PCDH15: variants seen among roughly 807,000 people sequenced by gnomAD.
PCDH15 encodes protocadherin related 15, also known as protocadherin-15.
PCDH15 carries 129 observed loss-of-function variants against 178.5 expected under a neutral mutation model. The observed-to-expected ratio is 0.72, with a 90% CI of 0.63 to 0.84. The LOEUF is 0.84. PCDH15 is among the 40% of genes least tolerant of loss of function. The pLI is 0.00. For synonymous variants in PCDH15, 800 were observed against 732.0 expected, an observed-to-expected ratio of 1.09 and a Z score of -1.50; for missense variants, 2,230 against 2,099.9, an observed-to-expected ratio of 1.06 and a Z score of -1.21.
chr10:54,726,171 A>G (rs758235509), intron 1 of PCDH15, among the ~76,000 whole-genome samples: 1 of 151,660 alleles, frequency 6.6e-6, no homozygotes, highest in Non-Finnish European at 1.5e-5. Flanking sequence ...CCTTTCTAAA[A>G]ATATATTGAC....
intron 10 of PCDH15, among the ~76,000 whole-genome samples, chr10:54,200,978 G>GTT (rs554044064): frequency 1.3e-5 from 2 of 152,000 alleles, no homozygotes; most frequent in South Asian, 4.1e-4. Context: ...GTAACACTGC[G>GTT]TAAGTATCTA....
intron 3 of PCDH15, among the ~76,000 whole-genome samples, chr10:54,499,518 T>C (rs750899251): frequency 6.6e-6 from 1 of 151,928 alleles, no homozygotes; most frequent in Admixed American, 6.6e-5. Flanking sequence ...ACCAAGAACA[T>C]CTCTTAAAAC....
At chr10:54,263,777 T>C (rs188063156) in intron 8 of PCDH15, among the ~76,000 whole-genome samples, 1 of 152,150 alleles carries the variant, frequency 6.6e-6, no homozygotes, top group African/African-American at 2.4e-5. Context: ...AACTTGATTG[T>C]ATTAAAGGAT....
At chr10:54,923,657 C>G (rs1485691905) in intron 2 of PCDH15, among the ~76,000 whole-genome samples, 2 of 137,964 alleles carry the variant, frequency 1.4e-5, no homozygotes, top group East Asian at 4.0e-4. Flanking sequence ...CAAAGTTCCA[C>G]AAATCCCTAA....
At chr10:55,019,586 TCA>T (rs1840273262) in intron 2 of PCDH15, among the ~76,000 whole-genome samples, 1 of 152,108 alleles carries the variant, frequency 6.6e-6, no homozygotes, top group African/African-American at 2.4e-5. Context: ...GCTAGGAGAA[TCA>T]CACAAAAATT....
At chr10:54,141,283 A>G (rs981532206) in intron 14 of PCDH15, among the ~76,000 whole-genome samples, 2 of 152,132 alleles carry the variant, frequency 1.3e-5, no homozygotes, top group African/African-American at 4.8e-5. Flanking sequence ...GATGAAGGAC[A>G]GCAGCCATTT....
chr10:55,300,942 T>C (rs1843260553), intron 1 of PCDH15, among the ~76,000 whole-genome samples: 1 of 152,210 alleles, frequency 6.6e-6, no homozygotes. Context: ...CAAATATCTC[T>C]CATGGTGCCC....
intron 1 of PCDH15, among the ~76,000 whole-genome samples, chr10:55,181,716 A>G (rs1037958085): frequency 6.6e-6 from 1 of 152,040 alleles, no homozygotes; most frequent in Non-Finnish European, 1.5e-5. Context: ...GCACTTCTAT[A>G]TTAAACTAAA....
At chr10:55,434,077 C>T (rs866954391) in intron 2 of PCDH15, among the ~76,000 whole-genome samples, 83 of 90,808 alleles carry the variant, frequency 9.1e-4, no homozygotes, top group African/African-American at 1.8e-3. Flanking sequence ...CTTTTCTTTT[C>T]TTTTTTTTTT....
At chr10:55,033,571 A>G (rs920569110) in intron 2 of PCDH15, among the ~76,000 whole-genome samples, 1 of 152,124 alleles carries the variant, frequency 6.6e-6, no homozygotes, top group Non-Finnish European at 1.5e-5. Context: ...CATTTTGAAA[A>G]CATGTAACTT....
At chr10:55,139,105 G>A (rs1838279970) in intron 2 of PCDH15, among the ~76,000 whole-genome samples, 1 of 151,312 alleles carries the variant, frequency 6.6e-6, no homozygotes, top group Non-Finnish European at 1.5e-5. Context: ...GTTCTTATCT[G>A]CCATATTTAT....
Position 55,582,615 on chromosome 10 carries a change from T to C in PCDH15, c.-156+45010A>G, listed in dbSNP as rs868473897. Among the ~76,000 whole-genome samples the C allele has an allele frequency of 6.2e-4, 60 of 96,626 alleles. 2 individuals carry two copies. Among genetic ancestry groups the C allele is most frequent in the African/African-American group, 3.0e-3 (59 of 19,908 alleles). The allele number at this position is 96,626 out of a possible 152,430, so 63.4% of individuals were successfully genotyped here. Reference sequence around the variant, plus strand: ...GTATGTGTATATATATATATATATATATATATATATATATTTTTTTTTTTT... The same window carrying C: ...GTATGTGTATATATATATATATATACATATATATATATATTTTTTTTTTTT... On this transcript the variant is annotated intron_variant, in intron 2 of 5. Transcript: ENST00000613346.
chr10:54,752,530 A>AAAAAAAAAAAAAAAC (rs1946481268), intron 1 of PCDH15, among the ~76,000 whole-genome samples: 1 of 43,886 alleles, frequency 2.3e-5, no homozygotes, highest in Admixed American at 2.1e-4. Flanking sequence ...ACAAACAAAC[A>AAAAAAAAAAAAAAAC]AAAAAAAACA....
intron 37 of PCDH15, among the ~76,000 whole-genome samples, chr10:53,807,579 T>C (rs1266598037): frequency 1.3e-5 from 2 of 152,170 alleles, no homozygotes; most frequent in Non-Finnish European, 2.9e-5. Flanking sequence ...ACCACATCAT[T>C]CTAATTTTTA....
chr10:55,375,857 A>C (rs889383404), intron 2 of PCDH15, among the ~76,000 whole-genome samples: 12 of 152,090 alleles, frequency 7.9e-5, no homozygotes, highest in African/African-American at 2.9e-4. Context: ...AAACATCAGA[A>C]AAATATGATT....
At position 54,688,074 on chromosome 10, in the gene PCDH15, C is replaced by A. The variant is rs2095047864; in HGVS notation, c.-28-23784G>T. Among the ~76,000 whole-genome samples, 8 of 152,116 alleles carry A rather than the reference C, an allele frequency of 5.3e-5. 1 individual carries two copies. The South Asian group carries it at 1.7e-3, about 32-fold the overall frequency. On this transcript the variant is annotated intron_variant, in intron 1 of 37. Coordinates refer to ENST00000644397, the MANE Select transcript of PCDH15 (RefSeq NM_001384140.1). The stretch of plus-strand genomic sequence containing the variant: ...TAAAATTAAAAAAATTTAAAAAAGT[C>A]TTCACTAGCATTAAAAATTATTAAT...
At chr10:54,853,336 C>CT (rs1554806827) in intron 3 of PCDH15, among the ~76,000 whole-genome samples, 22 of 126,486 alleles carry the variant, frequency 1.7e-4, no homozygotes, top group Admixed American at 1.7e-3. Context: ...CACACATATA[C>CT]ATATATATAC....
chr10:55,516,377 C>CTTTA (rs1406532044), intron 2 of PCDH15, among the ~76,000 whole-genome samples: 6 of 152,110 alleles, frequency 3.9e-5, no homozygotes, highest in Non-Finnish European at 8.8e-5. Flanking sequence ...GCTCATTAAA[C>CTTTA]CTCTTTTTCT....
At chr10:54,427,986 A>G (rs1956500724) in intron 3 of PCDH15, among the ~76,000 whole-genome samples, 1 of 152,170 alleles carries the variant, frequency 6.6e-6, no homozygotes, top group South Asian at 2.1e-4. Context: ...CAACAAAAAC[A>G]ACAAAATTAA....
Sources: gnomAD v4.1 joint callset for allele counts (sites outside exome capture counted in the v4.1 genomes callset) on GRCh38, gnomAD v4.1.1 for gene constraint, MANE v1.5 for transcripts, NCBI Gene and HGNC (gene_info 2026-07-23, HGNC 2026-07-21) for gene names.